CTPS2: variants seen among roughly 807,000 people sequenced by gnomAD.
CTPS2 encodes CTP synthase II.
Under a neutral mutation model 46.8 loss-of-function variants are expected in CTPS2, and 19 were observed. That is an observed-to-expected ratio of 0.41 (90% CI 0.28 to 0.60). The LOEUF is 0.60. CTPS2 is among the 20% of genes least tolerant of loss of function. CTPS2 has a pLI of 0.35. For synonymous variants in CTPS2, 151 were observed against 165.2 expected (o/e 0.91, Z 0.66); for missense variants, 286 against 447.6 (o/e 0.64, Z 3.26).
At chrX:16,620,806 T>C (rs1212773051) in intron 14 of CTPS2, among the ~76,000 whole-genome samples, 1 of 111,975 alleles carries the variant, frequency 8.9e-6, no homozygotes, top group Admixed American at 9.5e-5. Context: ...CCTGGCCCAA[T>C]GCTTTCTCCA....
chrX:16,678,831 C>A (rs1220772769), intron 9 of CTPS2, among the ~76,000 whole-genome samples: 1 of 109,423 alleles, frequency 9.1e-6, no homozygotes, highest in Non-Finnish European at 1.9e-5. Flanking sequence ...TGTAACACTG[C>A]ATTCCAGCCT....
Position 16,709,848 on chromosome X carries a change from C to CAAAAAA in CTPS2, c.-40+2481_-40+2486dup, listed in dbSNP as rs35017705. 5.9e-4 allele frequency among the ~76,000 whole-genome samples: 14 copies of CAAAAAA among 23,739 alleles called. 1 individual carries two copies. Among genetic ancestry groups the CAAAAAA allele is most frequent in the East Asian group, 1.6e-3 (1 of 639 alleles). 20.6% of individuals were successfully genotyped at this position (23,739 alleles called of 115,157 possible). ...TGGTGACAGAGTGAGACTCTGTCTC[C>CAAAAAA]AAAAAAAAAAAAAAAAAAAAAAAAA... On this transcript the variant is annotated intron_variant, in intron 1 of 18. Coordinates refer to ENST00000359276, the MANE Select transcript of CTPS2 (RefSeq NM_175859.3).
intron 14 of CTPS2, among the ~76,000 whole-genome samples, chrX:16,630,251 AT>A (rs148128965): frequency 0.074 from 5,693 of 77,170 alleles, 252 homozygotes; most frequent in African/African-American, 0.17. Context: ...GTTGTGTTGT[AT>A]TTTTTTTTTT....
intron 4 of CTPS2, among the ~76,000 whole-genome samples, chrX:16,695,212 T>TG (rs1017411468): frequency 2.7e-5 from 3 of 111,636 alleles, no homozygotes; most frequent in South Asian, 3.7e-4. Context: ...GGGGATTCTC[T>TG]GGGGGGTCAA....
At chrX:16,594,060 G>A (rs1339608316) in intron 17 of CTPS2, among the ~76,000 whole-genome samples, 1 of 111,568 alleles carries the variant, frequency 9.0e-6, no homozygotes, top group African/African-American at 3.3e-5. Context: ...GGTCAAGGAC[G>A]TTCAAGTGAC....
intron 10 of CTPS2, among the ~76,000 whole-genome samples, chrX:16,673,137 C>G (rs923788086): frequency 9.1e-6 from 1 of 109,575 alleles, no homozygotes; most frequent in Non-Finnish European, 1.9e-5. Flanking sequence ...CCGCCCGCCT[C>G]GGCCTCCCAA....
At chrX:16,622,944 G>A (rs1930919689) in intron 14 of CTPS2, among the ~76,000 whole-genome samples, 2 of 111,575 alleles carry the variant, frequency 1.8e-5, no homozygotes, top group East Asian at 2.8e-4. Flanking sequence ...AGAGTTGTAA[G>A]GATTAAATAA....
At chrX:16,694,092 A>G (rs1278793414) in intron 4 of CTPS2, among the ~76,000 whole-genome samples, 1 of 111,477 alleles carries the variant, frequency 9.0e-6, no homozygotes, top group Non-Finnish European at 1.9e-5. Flanking sequence ...TGAACCCAGG[A>G]GGCAGAGGTT....
At chrX:16,695,805 C>T (rs928539153) in intron 4 of CTPS2, among the ~76,000 whole-genome samples, 1 of 111,052 alleles carries the variant, frequency 9.0e-6, no homozygotes, top group African/African-American at 3.3e-5. Context: ...CCCGCCTCAG[C>T]CTCCCAAAGT....
At chrX:16,617,096 G>T in intron 16 of CTPS2, 54 bp downstream of exon 16, 1 of 940,488 alleles carries the variant, frequency 1.1e-6, no homozygotes, top group Non-Finnish European at 1.5e-6. Context: ...TTAGTCTGTG[G>T]TCCACAAAAA....
chrX:16,624,861 C>T (rs892485475), intron 14 of CTPS2, among the ~76,000 whole-genome samples: 1 of 112,283 alleles, frequency 8.9e-6, no homozygotes, highest in African/African-American at 3.2e-5. Flanking sequence ...CTATAAAGCA[C>T]TCCCAATGCA....
chrX:16,697,432 C>CTTTT (rs5901594), intron 4 of CTPS2, among the ~76,000 whole-genome samples: 18 of 59,601 alleles, frequency 3.0e-4, no homozygotes, highest in Non-Finnish European at 5.0e-4. Context: ...TCAAATACGA[C>CTTTT]TTTTTTTTTT....
intron 13 of CTPS2, among the ~76,000 whole-genome samples, chrX:16,666,836 T>A (rs1299106934): frequency 9.0e-5 from 10 of 111,582 alleles, no homozygotes; most frequent in Admixed American, 2.9e-4. Context: ...CTGTCGCTTT[T>A]GTTTTAGAAA....
At chrX:16,647,559 T>G (rs1168737455) in intron 13 of CTPS2, among the ~76,000 whole-genome samples, 1 of 109,713 alleles carries the variant, frequency 9.1e-6, no homozygotes, top group Non-Finnish European at 1.9e-5. Flanking sequence ...TGAACCACCG[T>G]GCCCGGCCGC....
chrX:16,595,932 C>T (rs748961063), intron 17 of CTPS2, among the ~76,000 whole-genome samples: 1 of 112,534 alleles, frequency 8.9e-6, no homozygotes, highest in South Asian at 3.7e-4. Context: ...TGCAGTGGCA[C>T]GATCACAGCT....
chrX:16,592,405 C>G (rs1928957309), intron 17 of CTPS2, among the ~76,000 whole-genome samples: 1 of 111,974 alleles, frequency 8.9e-6, no homozygotes, highest in South Asian at 3.7e-4. Flanking sequence ...GCTGTGTATC[C>G]CTGATTACAT....
chrX:16,674,184 A>G (rs1922021673), intron 10 of CTPS2, among the ~76,000 whole-genome samples: 2 of 108,638 alleles, frequency 1.8e-5, no homozygotes, highest in Admixed American at 2.0e-4. Flanking sequence ...TTGTCTTCAG[A>G]CGAAGTTTCA....
intron 13 of CTPS2, among the ~76,000 whole-genome samples, chrX:16,665,816 T>C (rs1244413603): frequency 8.9e-6 from 1 of 112,245 alleles, no homozygotes; most frequent in Non-Finnish European, 1.9e-5. Context: ...AATGGCACGA[T>C]CTCAGCTCAC....
At chrX:16,656,535 G>A (rs1194809229) in intron 13 of CTPS2, among the ~76,000 whole-genome samples, 5 of 109,840 alleles carry the variant, frequency 4.6e-5, no homozygotes, top group African/African-American at 6.6e-5. Context: ...TCAGCCTCCC[G>A]AGTAGCTGGG....
Sources: gnomAD v4.1 joint callset for allele counts (sites outside exome capture counted in the v4.1 genomes callset) on GRCh38, gnomAD v4.1.1 for gene constraint, MANE v1.5 for transcripts, NCBI Gene and HGNC (gene_info 2026-07-23, HGNC 2026-07-21) for gene names.